CFAP263: variants seen among roughly 807,000 people sequenced by gnomAD.
CFAP263 encodes the protein cilia- and flagella-associated protein 263.
the CFAP263 span, chr16:58,281,467 C>T: frequency 1.3e-5 from 2 of 152,512 alleles, no homozygotes; most frequent in Admixed American, 1.3e-4. Context: ...TAAAGGCCAG[C>T]ATTTTTCTGA....
chr16:58,264,622 C>T, the CFAP263 span, among the ~76,000 whole-genome samples: 1 of 152,044 alleles, frequency 6.6e-6, no homozygotes, highest in Admixed American at 6.6e-5. Context: ...GGTGCTCTGT[C>T]TAGTAAGTGT....
the CFAP263 span, chr16:58,262,625 G>C: frequency 7.4e-7 from 1 of 1,348,266 alleles, no homozygotes; most frequent in East Asian, 2.4e-5. Flanking sequence ...GTGCATTCCA[G>C]TTTCACACAG....
chr16:58,254,984 G>A, the CFAP263 span, among the ~76,000 whole-genome samples: 1 of 152,148 alleles, frequency 6.6e-6, no homozygotes, highest in Non-Finnish European at 1.5e-5. Context: ...AGAACCAAGA[G>A]TATACATGTA....
the CFAP263 span, among the ~76,000 whole-genome samples, chr16:58,258,107 C>CA: frequency 0.041 from 3,328 of 81,946 alleles, 104 homozygotes; most frequent in African/African-American, 0.12. Context: ...GACTCTGTCT[C>CA]AAAAAAAAAA....
At chr16:58,269,136 C>A in the CFAP263 span, among the ~76,000 whole-genome samples, 2 of 152,042 alleles carry the variant, frequency 1.3e-5, no homozygotes, top group African/African-American at 4.8e-5. Context: ...AGTTCAAGAC[C>A]AGCCTGGCCA....
At chr16:58,279,062 T>C in the CFAP263 span, among the ~76,000 whole-genome samples, 1 of 152,156 alleles carries the variant, frequency 6.6e-6, no homozygotes, top group Non-Finnish European at 1.5e-5. Context: ...GCCATGGGTC[T>C]TTCTGCTTTT....
chr16:58,259,796 C>G, the CFAP263 span: 1 of 1,149,258 alleles, frequency 8.7e-7, no homozygotes, highest in Non-Finnish European at 1.3e-6. Context: ...CTTTTCAAAC[C>G]AATGGGAAAA....
chr16:58,251,711 G>A, the CFAP263 span, among the ~76,000 whole-genome samples: 2 of 152,122 alleles, frequency 1.3e-5, no homozygotes, highest in Non-Finnish European at 2.9e-5. Context: ...TTAAAATTCA[G>A]CCAAACAGGA....
the CFAP263 span, among the ~76,000 whole-genome samples, chr16:58,268,633 T>C: frequency 3.3e-5 from 5 of 152,182 alleles, no homozygotes; most frequent in Non-Finnish European, 7.3e-5. Context: ...TGTCATAACA[T>C]GCACATCATT....
chr16:58,268,678 C>A, the CFAP263 span, among the ~76,000 whole-genome samples: 89,797 of 151,714 alleles, frequency 0.59, 27,579 homozygotes, highest in African/African-American at 0.75. Context: ...CTGAAAAAAA[C>A]CCCCAATTTC....
chr16:58,272,770 CTTT>C, the CFAP263 span, among the ~76,000 whole-genome samples: 11 of 137,638 alleles, frequency 8.0e-5, no homozygotes, highest in East Asian at 1.9e-3. Flanking sequence ...ATCTTAATGG[CTTT>C]TTTTTTTTTT....
the CFAP263 span, among the ~76,000 whole-genome samples, chr16:58,261,988 T>C: frequency 0.56 from 84,855 of 151,902 alleles, 24,140 homozygotes; most frequent in African/African-American, 0.64. Flanking sequence ...TCCTTCATGG[T>C]CCTGTTTAGG....
At chr16:58,272,263 G>A in the CFAP263 span, among the ~76,000 whole-genome samples, 5 of 148,468 alleles carry the variant, frequency 3.4e-5, no homozygotes, top group Middle Eastern at 3.4e-3. Context: ...TGATCTGCCC[G>A]CCTCAGCCTC....
the CFAP263 span, chr16:58,252,824 A>C: frequency 1.9e-6 from 3 of 1,614,014 alleles, no homozygotes; most frequent in Non-Finnish European, 2.5e-6. Flanking sequence ...ATTATCAGAA[A>C]TTAAAATATC....
At chr16:58,260,234 G>T in the CFAP263 span, among the ~76,000 whole-genome samples, 67,673 of 151,846 alleles carry the variant, frequency 0.45, 15,817 homozygotes, top group African/African-American at 0.59. Context: ...GCTTTCATGA[G>T]AGGGAGAAGG....
chr16:58,258,608 C>G, the CFAP263 span: 1 of 1,286,746 alleles, frequency 7.8e-7, no homozygotes, highest in Non-Finnish European at 1.1e-6. Context: ...CAGCCTAGCT[C>G]CCTTTGGTCC....
the CFAP263 span, chr16:58,252,932 T>C: frequency 6.8e-7 from 1 of 1,460,830 alleles, no homozygotes; most frequent in Non-Finnish European, 9.5e-7. Context: ...CTGCCTTTGG[T>C]GCGCCCTCTG....
the CFAP263 span, among the ~76,000 whole-genome samples, chr16:58,272,017 ATT>A: frequency 1.1e-4 from 15 of 142,586 alleles, no homozygotes; most frequent in Non-Finnish European, 1.2e-4. Context: ...CCACTCATAG[ATT>A]TTTTTTTTTT....
the CFAP263 span, among the ~76,000 whole-genome samples, chr16:58,253,739 C>T: frequency 3.9e-5 from 6 of 152,226 alleles, no homozygotes; most frequent in African/African-American, 1.2e-4. Context: ...TTTCCACCTT[C>T]AAGACGTTTA....
Sources: gnomAD v4.1 joint callset for allele counts (sites outside exome capture counted in the v4.1 genomes callset) on GRCh38, gnomAD v4.1.1 for gene constraint, MANE v1.5 for transcripts, NCBI Gene and HGNC (gene_info 2026-07-23, HGNC 2026-07-21) for gene names.